Variants in FGFR2 observed in about 807,000 individuals in gnomAD.
FGFR2 encodes BEK fibroblast growth factor receptor.
In FGFR2, 19 loss-of-function variants were observed where a neutral mutation model predicts 95.9. That is an observed-to-expected ratio of 0.20 (90% CI 0.14 to 0.29). The LOEUF is 0.29. FGFR2 is among the 10% of genes least tolerant of loss of function. The pLI is 1.00. For synonymous variants in FGFR2, 392 were observed against 393.3 expected (o/e 1.00, Z 0.04); for missense variants, 707 against 1,056.9 (o/e 0.67, Z 4.59).
chr10:121,541,363 T>G (rs1268434743), intron 5 of FGFR2, among the ~76,000 whole-genome samples: 1 of 152,236 alleles, frequency 6.6e-6, no homozygotes, highest in East Asian at 1.9e-4. Flanking sequence ...GTAGGGGATA[T>G]CCTACCATTG....
Position 121,498,867 on chromosome 10 carries a change from C to T in FGFR2, c.1562-262G>A, listed in dbSNP as rs367567208. On this transcript the variant is annotated intron_variant, in intron 11 of 17. Coordinates refer to ENST00000358487, the MANE Select transcript of FGFR2 (RefSeq NM_000141.5). ...GAGCAGGGGCTTCTGACACTAATGC[C>T]AATTCTTTCCTAGACCATGAGATAA... 6.6e-5 allele frequency among the ~76,000 whole-genome samples: 10 copies of T among 152,260 alleles called. 1 individual carries two copies. Among genetic ancestry groups the T allele is most frequent in the Admixed American group, 5.2e-4 (8 of 15,306 alleles).
At chr10:121,499,613 C>T (rs962031988) in intron 11 of FGFR2, among the ~76,000 whole-genome samples, 2 of 152,214 alleles carry the variant, frequency 1.3e-5, no homozygotes, top group Non-Finnish European at 2.9e-5. Flanking sequence ...ACTCCCAGAC[C>T]TCCCTTTTTG....
At chr10:121,482,322 A>G in intron 17 of FGFR2, 1 of 666,688 alleles carries the variant, frequency 1.5e-6, no homozygotes, top group Non-Finnish European at 2.6e-6. Context: ...TCTGAAGGTC[A>G]GCTGTATTCA....
At chr10:121,516,792 G>A (rs571722654) in intron 8 of FGFR2, among the ~76,000 whole-genome samples, 3 of 152,232 alleles carry the variant, frequency 2.0e-5, no homozygotes, top group South Asian at 2.1e-4. Context: ...CCATCCTATC[G>A]CAACATGCAG....
At chr10:121,569,646 A>G (rs1327098545) in intron 2 of FGFR2, among the ~76,000 whole-genome samples, 1 of 152,258 alleles carries the variant, frequency 6.6e-6, no homozygotes, top group Non-Finnish European at 1.5e-5. Context: ...CAAAACTGTC[A>G]TCTAGATATC....
intron 5 of FGFR2, among the ~76,000 whole-genome samples, chr10:121,547,491 C>A (rs1350239353): frequency 6.6e-6 from 1 of 151,302 alleles, no homozygotes; most frequent in African/African-American, 2.4e-5. Flanking sequence ...AACTCCTGGG[C>A]TCAAGCGATC....
At chr10:121,571,497 G>A (rs1858716272) in intron 2 of FGFR2, among the ~76,000 whole-genome samples, 1 of 150,950 alleles carries the variant, frequency 6.6e-6, no homozygotes, top group Non-Finnish European at 1.5e-5. Flanking sequence ...AGTAGAGACA[G>A]GGTTTTACCA....
At chr10:121,496,381 C>T in intron 13 of FGFR2, 151 bp downstream of exon 13, 1 of 861,570 alleles carries the variant, frequency 1.2e-6, no homozygotes, top group South Asian at 1.4e-5. Context: ...GTTCATTAAA[C>T]TCAAATGGGA....
intron 6 of FGFR2, among the ~76,000 whole-genome samples, chr10:121,524,146 A>ACACACCC (rs142755962): frequency 2.8e-4 from 39 of 136,976 alleles, no homozygotes; most frequent in Non-Finnish European, 5.0e-4. Flanking sequence ...ACACACACAC[A>ACACACCC]CCCCAAGTTT....
chr10:121,566,057 G>A (rs1857626664), intron 2 of FGFR2: 1 of 394,006 alleles, frequency 2.5e-6, no homozygotes, highest in South Asian at 2.5e-5. Flanking sequence ...ATTGTGGTAT[G>A]TTTTATTTGT....
intron 15 of FGFR2, among the ~76,000 whole-genome samples, chr10:121,486,509 T>A (rs1325180641): frequency 6.6e-6 from 1 of 152,148 alleles, no homozygotes; most frequent in East Asian, 1.9e-4. Context: ...TGGCACAATC[T>A]CAGCTCACTG....
At position 121,518,443 on chromosome 10, in the gene FGFR2, G is replaced by T. The variant is rs1409395731; in HGVS notation, c.940-980C>A. ...ACCAGAAGGAACAACTTAAAAACTGGGTGGGGGTGGAGGCTAATCTCTAGA... is the reference window on the plus strand; with the variant it reads ...ACCAGAAGGAACAACTTAAAAACTGTGTGGGGGTGGAGGCTAATCTCTAGA... On this transcript the variant is annotated intron_variant, in intron 7 of 17. Transcript: ENST00000358487. This position sits in a 1 kb window ranked among gnomAD's most constrained non-coding sequence, Gnocchi z 4.0. 2.0e-5 allele frequency among the ~76,000 whole-genome samples: 3 copies of T among 152,130 alleles called. No individual in the cohort carries two copies. The highest frequency in any genetic ancestry group is 4.4e-5 in the Non-Finnish European group (3 of 68,032).
chr10:121,579,698 G>C (rs1860515678), intron 2 of FGFR2, among the ~76,000 whole-genome samples: 1 of 152,164 alleles, frequency 6.6e-6, no homozygotes, highest in South Asian at 2.1e-4. Context: ...AACCCCAGCA[G>C]GGCTCAGGAG....
At chr10:121,511,640 G>T (rs1482527967) in intron 9 of FGFR2, among the ~76,000 whole-genome samples, 1 of 152,182 alleles carries the variant, frequency 6.6e-6, no homozygotes, top group African/African-American at 2.4e-5. Flanking sequence ...AGGAGTGGGA[G>T]TGGGTGAGCA....
intron 2 of FGFR2, chr10:121,565,931 C>T: frequency 1.7e-6 from 1 of 601,274 alleles, no homozygotes; most frequent in East Asian, 2.8e-5. Context: ...TTAGTTTCCA[C>T]ATCCTATGGG....
chr10:121,487,937 A>G lies in FGFR2; in HGVS notation c.1986+54T>C. On this transcript the variant is annotated intron_variant, in intron 14 of 17. Coordinates refer to ENST00000358487, the MANE Select transcript of FGFR2 (RefSeq NM_000141.5). Reference sequence around the variant, plus strand: ...AACATTGACGGCCTTTCTTCCTGGAACATTCTGAGCCTCACCCCCGCCCCT... The same window carrying G: ...AACATTGACGGCCTTTCTTCCTGGAGCATTCTGAGCCTCACCCCCGCCCCT... 2.5e-6 allele frequency: 4 copies of G among 1,612,300 alleles called. No individual in the cohort carries two copies. In the Admixed American group the frequency reaches 6.7e-5, roughly 27 times the overall value.
At chr10:121,532,798 A>G (rs746952595) in intron 6 of FGFR2, among the ~76,000 whole-genome samples, 52 of 152,256 alleles carry the variant, frequency 3.4e-4, no homozygotes, top group Non-Finnish European at 3.5e-4. Context: ...TTGGAATAAA[A>G]GACGCTTCAT....
intron 2 of FGFR2, among the ~76,000 whole-genome samples, chr10:121,576,520 G>A (rs982685515): frequency 2.0e-5 from 3 of 152,218 alleles, no homozygotes; most frequent in Non-Finnish European, 4.4e-5. Context: ...AGGAGGTGAA[G>A]GAGTGAATAG....
intron 5 of FGFR2, among the ~76,000 whole-genome samples, chr10:121,546,376 C>T (rs993565025): frequency 3.3e-5 from 5 of 152,030 alleles, no homozygotes; most frequent in South Asian, 2.1e-4. Context: ...TCAAGACTGA[C>T]GCAAAAGCCC....
Sources: allele counts gnomAD v4.1 joint callset (sites outside exome capture counted in the v4.1 genomes callset), GRCh38; gene constraint gnomAD v4.1.1; non-coding constraint Gnocchi (gnomAD v3.1); transcripts MANE v1.5; gene names NCBI Gene and HGNC (gene_info 2026-07-23, HGNC 2026-07-21).